CACNA2D1: variants seen among roughly 807,000 people sequenced by gnomAD.
CACNA2D1 encodes calcium voltage-gated channel auxiliary subunit alpha2delta 1.
In CACNA2D1, 53 loss-of-function variants were observed where a neutral mutation model predicts 171.5. That is an observed-to-expected ratio of 0.31 (90% CI 0.25 to 0.39). The LOEUF is 0.39. CACNA2D1 is among the 10% of genes least tolerant of loss of function. The pLI is 1.00. For missense variants in CACNA2D1, 903 were observed against 1,299.8 expected (o/e 0.69, Z 4.69); for synonymous variants, 442 against 443.1 (o/e 1.00, Z 0.03).
intron 5 of CACNA2D1, among the ~76,000 whole-genome samples, chr7:82,121,306 C>T (rs1468160424): frequency 6.6e-6 from 1 of 152,180 alleles, no homozygotes; most frequent in Non-Finnish European, 1.5e-5. Context: ...ATCCTCCTGC[C>T]TCAGCCTCCT....
At chr7:82,182,756 G>C (rs1797268276) in intron 3 of CACNA2D1, among the ~76,000 whole-genome samples, 1 of 152,080 alleles carries the variant, frequency 6.6e-6, no homozygotes, top group Non-Finnish European at 1.5e-5. Flanking sequence ...AAAATTGATT[G>C]CCCAGGCACG....
At chr7:82,303,137 G>A (rs1271647595) in intron 3 of CACNA2D1, among the ~76,000 whole-genome samples, 1 of 152,074 alleles carries the variant, frequency 6.6e-6, no homozygotes, top group Non-Finnish European at 1.5e-5. Context: ...GGGACTACAG[G>A]CGCCCGCCAC....
At chr7:82,047,184 C>G (rs1435062581) in intron 10 of CACNA2D1, among the ~76,000 whole-genome samples, 1 of 152,112 alleles carries the variant, frequency 6.6e-6, no homozygotes, top group African/African-American at 2.4e-5. Context: ...CTCCATCATT[C>G]TCCAGGTACA....
intron 1 of CACNA2D1, among the ~76,000 whole-genome samples, chr7:82,419,064 C>A (rs1209631705): frequency 6.6e-6 from 1 of 150,786 alleles, no homozygotes; most frequent in Admixed American, 6.6e-5. Context: ...GAGCCGAGCT[C>A]GCGCCACTGC....
intron 3 of CACNA2D1, among the ~76,000 whole-genome samples, chr7:82,240,835 T>C (rs1359727639): frequency 6.6e-6 from 1 of 151,926 alleles, no homozygotes; most frequent in Non-Finnish European, 1.5e-5. Flanking sequence ...GGTGTGGTAG[T>C]GCACGCCTGT....
intron 1 of CACNA2D1, among the ~76,000 whole-genome samples, chr7:82,433,256 A>G (rs1829860302): frequency 6.6e-6 from 1 of 152,156 alleles, no homozygotes; most frequent in African/African-American, 2.4e-5. Flanking sequence ...AATCTCTCCT[A>G]GGAAAGAAGT....
Position 82,088,662 on chromosome 7 carries a change from A to G in CACNA2D1, c.527-3762T>C, listed in dbSNP as rs139432951. 1.6e-3 allele frequency among the ~76,000 whole-genome samples: 250 copies of G among 152,274 alleles called. 2 individuals are homozygous for G. In the East Asian group the frequency reaches 0.019, roughly 12 times the overall value. ...AATTTTCTTTACGAAAAAACTTAAA[A>G]TATTTTTGACCGTAAAAATCCTTTG... On this transcript the variant is annotated intron_variant, in intron 6 of 38. Coordinates refer to ENST00000356860, the MANE Select transcript of CACNA2D1 (RefSeq NM_000722.4).
At position 81,959,418 on chromosome 7, in the gene CACNA2D1, C is replaced by T. The variant is rs2130175929; in HGVS notation, c.3077-61G>A. On this transcript the variant is annotated intron_variant, in intron 37 of 38. Coordinates refer to ENST00000356860, the MANE Select transcript of CACNA2D1 (RefSeq NM_000722.4). The stretch of plus-strand genomic sequence containing the variant: ...TTTTTCACATGATTAAAAATAAATA[C>T]AATGCAATGTATTTCCCAAAACATG... 3.5e-6 allele frequency: 4 copies of T among 1,129,378 alleles called. No homozygotes were observed. In the South Asian group the frequency reaches 3.7e-5, roughly 10 times the overall value. The allele number at this position is 1,129,378 out of a possible 1,614,324, so 70.0% of individuals were successfully genotyped here.
chr7:82,361,880 G>A (rs1298030872), intron 1 of CACNA2D1, among the ~76,000 whole-genome samples: 3 of 152,042 alleles, frequency 2.0e-5, no homozygotes, highest in Non-Finnish European at 4.4e-5. Context: ...GATGGTTACT[G>A]GAATTTAAAT....
At chr7:82,314,918 T>C (rs1357936996) in intron 3 of CACNA2D1, among the ~76,000 whole-genome samples, 4 of 151,750 alleles carry the variant, frequency 2.6e-5, no homozygotes. Flanking sequence ...ATTCCAGTGT[T>C]AAAGAAACAG....
At chr7:82,381,058 A>AT (rs576047719) in intron 1 of CACNA2D1, among the ~76,000 whole-genome samples, 190 of 152,028 alleles carry the variant, frequency 1.2e-3, no homozygotes, top group African/African-American at 3.9e-3. Flanking sequence ...CACGCCTGTA[A>AT]TCCCAGCACT....
Position 82,235,259 on chromosome 7 carries a change from G to A in CACNA2D1, c.295-64650C>T, listed in dbSNP as rs1000589436. Among the ~76,000 whole-genome samples the A allele has an allele frequency of 7.2e-5, 11 of 152,182 alleles. No individual in the cohort carries two copies. The South Asian group carries it at 2.3e-3, about 32-fold the overall frequency. On this transcript the variant is annotated intron_variant, in intron 3 of 38. Transcript: ENST00000356860. ...TCGGCAAAATAAACTCCTCTCTGCA[G>A]ATAAAAATATAACATTTGTCTTCTG... is the stretch of plus-strand genomic sequence containing the variant.
At chr7:82,386,783 A>AAAG (rs2129450067) in intron 1 of CACNA2D1, among the ~76,000 whole-genome samples, 1 of 147,992 alleles carries the variant, frequency 6.8e-6, no homozygotes, top group South Asian at 2.1e-4. Flanking sequence ...AATAAATAAA[A>AAAG]TAACTAATAC....
At position 81,980,738 on chromosome 7, in the gene CACNA2D1, A is replaced by G. The variant is rs538083131; in HGVS notation, c.1955+1829T>C. Among the ~76,000 whole-genome samples the G allele has an allele frequency of 3.3e-5, 5 of 152,288 alleles. No individual in the cohort carries two copies. In the East Asian group the frequency reaches 7.7e-4, roughly 24 times the overall value. On this transcript the variant is annotated intron_variant, in intron 24 of 38. Coordinates refer to ENST00000356860, the MANE Select transcript of CACNA2D1 (RefSeq NM_000722.4). Reference sequence around the variant, plus strand: ...AAGGCAGTGACCTGGATTAGGGCAGAGGCAGCTGAGATTGACAGATACACT... The same window carrying G: ...AAGGCAGTGACCTGGATTAGGGCAGGGGCAGCTGAGATTGACAGATACACT...
In CACNA2D1 at chr7:82,361,046, T is replaced by C. The variant is rs368028147; in HGVS notation, c.96-11397A>G. ...TCAAATATGAGATGGTAAACATCTT[T>C]CTAGCTCAGAAAATATATTGCAATT... On this transcript the variant is annotated intron_variant, in intron 1 of 38. Transcript: ENST00000356860. Among the ~76,000 whole-genome samples, 11 of 152,336 alleles carry C rather than the reference T, an allele frequency of 7.2e-5. No individual in the cohort carries two copies. The East Asian group carries it at 1.7e-3, about 24-fold the overall frequency.
At chr7:82,335,799 G>A (rs185552559) in intron 2 of CACNA2D1, among the ~76,000 whole-genome samples, 68 of 152,266 alleles carry the variant, frequency 4.5e-4, no homozygotes, top group African/African-American at 1.4e-3. Flanking sequence ...TGGTTAGAAC[G>A]GTAATGGAGT....
chr7:82,324,322 C>T (rs938942737), intron 3 of CACNA2D1, among the ~76,000 whole-genome samples: 1 of 147,138 alleles, frequency 6.8e-6, no homozygotes, highest in African/African-American at 2.5e-5. Flanking sequence ...CGCGCCATTA[C>T]ACTCCAGCCT....
intron 18 of CACNA2D1, among the ~76,000 whole-genome samples, chr7:82,002,080 A>C: frequency 6.6e-6 from 1 of 151,774 alleles, no homozygotes; most frequent in Non-Finnish European, 1.5e-5. Flanking sequence ...TTTTCTCAAA[A>C]AATTGACCCA....
chr7:82,031,466 A>G (rs189776695), intron 12 of CACNA2D1, among the ~76,000 whole-genome samples: 3 of 151,924 alleles, frequency 2.0e-5, no homozygotes, highest in East Asian at 1.9e-4. Flanking sequence ...TCATTTATCA[A>G]CTTTTCAAAA....
Sources: gnomAD v4.1 joint callset for allele counts (sites outside exome capture counted in the v4.1 genomes callset) on GRCh38, gnomAD v4.1.1 for gene constraint, MANE v1.5 for transcripts, NCBI Gene and HGNC (gene_info 2026-07-23, HGNC 2026-07-21) for gene names.